ERAP1: variants seen among roughly 807,000 people sequenced by gnomAD.
ERAP1 encodes adipocyte-derived leucine aminopeptidase.
A neutral mutation model predicts 103.7 loss-of-function variants in ERAP1; 86 were observed. The ratio of observed to expected loss-of-function variants is 0.83; its 90% CI spans 0.70 to 0.99. ERAP1 has a LOEUF of 0.99. Among genes scored for constraint, ERAP1 ranks in the 50% least tolerant of loss-of-function variants. ERAP1 has a pLI of 0.00. For synonymous variants in ERAP1, 398 were observed against 402.4 expected, an observed-to-expected ratio of 0.99 and a Z score of 0.13; for missense variants, 1,009 against 1,128.4, an observed-to-expected ratio of 0.89 and a Z score of 1.52.
chr5:96,881,260 G>A, the ERAP1 span: 110 of 376,666 alleles, frequency 2.9e-4, 2 homozygotes, highest in Admixed American at 2.3e-3. Context: ...GTAATCAATT[G>A]GGAGGTCATT....
At chr5:96,815,862 T>G in the ERAP1 span, among the ~76,000 whole-genome samples, 1 of 152,108 alleles carries the variant, frequency 6.6e-6, no homozygotes, top group Non-Finnish European at 1.5e-5. Flanking sequence ...AAAATTCTGA[T>G]ACTGTAAATC....
the ERAP1 span, chr5:96,912,715 A>G: frequency 2.5e-6 from 4 of 1,605,444 alleles, no homozygotes; most frequent in Non-Finnish European, 3.4e-6. Flanking sequence ...TTTTAGAGCA[A>G]TATGAACTGT....
the ERAP1 span, chr5:96,892,343 T>C: frequency 1.9e-6 from 3 of 1,613,898 alleles, no homozygotes; most frequent in African/African-American, 1.3e-5. Flanking sequence ...CATGGAAAAT[T>C]GGGGCCTCAT....
At chr5:96,912,945 A>G in the ERAP1 span, 7 of 657,376 alleles carry the variant, frequency 1.1e-5, no homozygotes, top group Non-Finnish European at 1.7e-5. Flanking sequence ...AAAAGAATAT[A>G]TTGACAAAAT....
the ERAP1 span, among the ~76,000 whole-genome samples, chr5:96,837,894 C>T: frequency 8.5e-5 from 13 of 152,122 alleles, no homozygotes; most frequent in African/African-American, 2.7e-4. Flanking sequence ...CCCAGAGTCC[C>T]GCCATCCCTC....
the ERAP1 span, chr5:96,909,783 C>T: frequency 5.6e-6 from 9 of 1,609,222 alleles, no homozygotes; most frequent in Non-Finnish European, 7.7e-6. Context: ...AGACTTCTGT[C>T]CTACCCTTTG....
rs1250072498 is a variant in ERAP1 at position 96,800,993 on chromosome 5, C to A, written c.532G>T (p.Ala178Ser). ...GCAGTGGGTTCAAATTGTGTTGATG[C>A]TAGTATCCTAAAATTAAGGCAAGTG... is the stretch of plus-strand genomic sequence containing the variant. ...RTKEGELRIL[A>S]STQFEPTAAR... is the part of the protein sequence containing the mutation. Residue 178 changes from alanine to serine, a missense_variant, in exon 3 of 19, where the codon GCA becomes TCA. Around this residue, in one of 3 missense-constraint regions of ERAP1, gnomAD observed 392 missense variants for 455.2 expected, o/e 0.86. Coordinates refer to ENST00000443439, the MANE Select transcript of ERAP1 (RefSeq NM_001040458.3). The A allele has an allele frequency of 6.2e-7, 1 of 1,613,838 alleles. No individual in the cohort carries two copies. Among genetic ancestry groups the A allele is most frequent in the Admixed American group, 1.7e-5 (1 of 59,986 alleles).
the ERAP1 span, among the ~76,000 whole-genome samples, chr5:96,921,776 G>A: frequency 6.6e-6 from 1 of 152,130 alleles, no homozygotes; most frequent in African/African-American, 2.4e-5. Context: ...GCCTTCCTCT[G>A]TTGAATTATG....
At chr5:96,811,982 G>A (rs957686374), upstream of ERAP1, among the ~76,000 whole-genome samples, 7 of 152,152 alleles carry the variant, frequency 4.6e-5, no homozygotes, top group South Asian at 8.3e-4. Flanking sequence ...CTGTATTCCT[G>A]TTGCTTTTAC....
At position 96,765,956 on chromosome 5, in the gene ERAP1, T is replaced by G. The variant is rs1769793975; in HGVS notation, c.2819-2728A>C. On this transcript the variant is annotated intron_variant, in intron 19 of 19. Transcript: ENST00000296754. ...AAAACAGACCATATGTTTTGCCTCA[T>G]GAAAGTACAACAAATGCTGAATGCT... 2 of 741,034 alleles carry G rather than the reference T, an allele frequency of 2.7e-6. No individual in the cohort carries two copies. Among genetic ancestry groups the G allele is most frequent in the Non-Finnish European group, 4.7e-6 (2 of 424,606 alleles). 45.9% of individuals were successfully genotyped at this position (741,034 alleles called of 1,614,324 possible). A position where few individuals can be genotyped will look rare whatever the true frequency, so the allele number is the denominator to read the frequency against.
At chr5:96,875,677 T>C in the ERAP1 span, among the ~76,000 whole-genome samples, 23 of 152,162 alleles carry the variant, frequency 1.5e-4, 1 homozygote, top group African/African-American at 5.6e-4. Flanking sequence ...AAAGGGTGTT[T>C]ATCTGGGGAA....
At chr5:96,807,143 T>C (rs1254808767) in intron 1 of ERAP1, among the ~76,000 whole-genome samples, 1 of 152,120 alleles carries the variant, frequency 6.6e-6, no homozygotes, top group East Asian at 1.9e-4. Flanking sequence ...GGAATTAACT[T>C]TGTAGGACCA....
At position 96,776,368 on chromosome 5, in the gene ERAP1, TAAC is replaced by T. The variant is rs935362929; in HGVS notation, c.*25_*27del. The T allele has an allele frequency of 6.3e-7, 1 of 1,596,136 alleles. No homozygotes were observed. The highest frequency in any genetic ancestry group is 1.4e-5 in the African/African-American group (1 of 74,056). ...TCAACAAAATGTTGGTGATTAGAGA[TAAC>T]AGGAACCTGGCAAGGGAGGAATTTT... On this transcript the variant is annotated 3_prime_UTR_variant, in exon 19 of 19. Transcript: ENST00000443439.
the ERAP1 span, among the ~76,000 whole-genome samples, chr5:96,873,962 A>G: frequency 1.3e-5 from 2 of 152,124 alleles, no homozygotes; most frequent in African/African-American, 4.8e-5. Context: ...GAGGAGTGGT[A>G]CTGCCTTAGA....
rs922944056 is a variant in ERAP1, at chr5:96,767,689, A to C, written c.2819-4461T>G. 5.3e-5 allele frequency among the ~76,000 whole-genome samples: 8 copies of C among 152,318 alleles called. No homozygotes were observed. The East Asian group carries it at 9.6e-4, about 18-fold the overall frequency. ...TAGGGTGGAAAACTGAGGCTCAGAG[A>C]ATGCTAAGCAACGTGTATTAAAGAG... On this transcript the variant is annotated intron_variant, in intron 19 of 19. Coordinates refer to the ERAP1 transcript ENST00000296754.
Position 96,785,841 on chromosome 5 carries a change from T to G in ERAP1, c.1890A>C (p.Ala630=). The G allele has an allele frequency of 6.2e-7, 1 of 1,614,222 alleles. No individual in the cohort carries two copies. The highest frequency in any genetic ancestry group is 8.5e-7 in the Non-Finnish European group (1 of 1,180,030). ...LTGLLKGTHT[A]VSSNDRASLI... ...GACTCGCCCGATCATTACTGCTGAC[T>G]GCTGTGTGTGTTCCTTTTAAAAGGC... Residue 630 remains alanine, a synonymous_variant, in exon 13 of 19, where the codon GCA becomes GCC. Transcript: ENST00000443439.
downstream of ERAP1, chr5:96,770,470 C>T (rs996490875): frequency 8.1e-6 from 8 of 988,198 alleles, no homozygotes; most frequent in East Asian, 1.4e-4. Context: ...TAACTGCAGC[C>T]TAGTTAATTG....
chr5:96,918,848 C>T, the ERAP1 span: 1 of 152,134 alleles, frequency 6.6e-6, no homozygotes, highest in African/African-American at 2.4e-5. Context: ...TATTTTATAA[C>T]CCAGCTTTAG....
chr5:96,765,412 T>A (rs1769566743), intron 19 of ERAP1: 2 of 687,928 alleles, frequency 2.9e-6, no homozygotes, highest in East Asian at 5.5e-5. Flanking sequence ...CATAGGAATA[T>A]TGATGTGAAC....
Sources: allele counts gnomAD v4.1 joint callset (sites outside exome capture counted in the v4.1 genomes callset), GRCh38; gene constraint gnomAD v4.1.1; regional missense constraint gnomAD v4.1.1; transcripts MANE v1.5; gene names NCBI Gene and HGNC (gene_info 2026-07-23, HGNC 2026-07-21).